The following NFIB variants were observed in gnomAD, a reference collection of about 807,000 sequenced individuals.
The protein encoded by NFIB is nuclear factor 1 B-type.
A neutral mutation model predicts 61.5 loss-of-function variants in NFIB; 11 were observed. That is an observed-to-expected ratio of 0.18 (90% confidence interval 0.11 to 0.30). NFIB has a LOEUF of 0.30. NFIB is among the 10% of genes least tolerant of loss of function. The pLI is 1.00. For synonymous variants in NFIB, 260 were observed against 216.5 expected (o/e 1.20, Z -1.76); for missense variants, 471 against 608.9 (o/e 0.77, Z 2.38).
the NFIB span, among the ~76,000 whole-genome samples, chr9:14,440,363 T>A: frequency 6.6e-6 from 1 of 152,360 alleles, no homozygotes; most frequent in South Asian, 2.1e-4. Context: ...AAGGAGCTGA[T>A]ACCAATCGAA....
chr9:14,369,374 T>C (rs1310174299), intron 1 of NFIB, among the ~76,000 whole-genome samples: 1 of 152,216 alleles, frequency 6.6e-6, no homozygotes, highest in Non-Finnish European at 1.5e-5. Flanking sequence ...TCAGGATAAT[T>C]AGTTTCCATC....
At position 14,084,185 on chromosome 9, in the gene NFIB, C is replaced by G. The variant is rs1240997123; in HGVS notation, c.*4124G>C. 5.0e-6 allele frequency: 1 copy of G among 200,812 alleles called. No homozygotes were observed. Among genetic ancestry groups the G allele is most frequent in the Non-Finnish European group, 1.0e-5 (1 of 97,340 alleles). 12.4% of individuals were successfully genotyped at this position (200,812 alleles called of 1,614,324 possible). ...CTTAAGAGACTGGAGAGTTTTAACTCAAGTCCAGTCTCTAAACAAGGAATA... is the reference window on the plus strand; with the variant it reads ...CTTAAGAGACTGGAGAGTTTTAACTGAAGTCCAGTCTCTAAACAAGGAATA... On this transcript the variant is annotated 3_prime_UTR_variant, in exon 11 of 11. Coordinates refer to ENST00000380953, the MANE Select transcript of NFIB (RefSeq NM_001190737.2).
the NFIB span, among the ~76,000 whole-genome samples, chr9:14,480,960 C>T: frequency 2.0e-5 from 3 of 151,630 alleles, no homozygotes; most frequent in East Asian, 5.9e-4. Flanking sequence ...AAAATAAAAA[C>T]AGTAGCAGAC....
the NFIB span, among the ~76,000 whole-genome samples, chr9:14,427,964 TG>T: frequency 7.2e-6 from 1 of 139,554 alleles, no homozygotes; most frequent in Non-Finnish European, 1.5e-5. Context: ...TTTTTTTTTT[TG>T]GCAGGATCTC....
intron 2 of NFIB, among the ~76,000 whole-genome samples, chr9:14,202,115 A>G (rs2049102132): frequency 7.0e-6 from 1 of 141,930 alleles, no homozygotes; most frequent in African/African-American, 2.6e-5. Context: ...TTTGAAGATA[A>G]AATTGATACT....
chr9:14,129,615 C>T (rs989908533), intron 6 of NFIB, among the ~76,000 whole-genome samples: 1 of 151,962 alleles, frequency 6.6e-6, no homozygotes, highest in Non-Finnish European at 1.5e-5. Flanking sequence ...GTGTAATGTG[C>T]TCATATGCTA....
chr9:14,240,301 T>C (rs1231185217), intron 2 of NFIB, among the ~76,000 whole-genome samples: 1 of 152,084 alleles, frequency 6.6e-6, no homozygotes, highest in Non-Finnish European at 1.5e-5. Context: ...AATATTACCC[T>C]ACTATATATC....
intron 3 of NFIB, among the ~76,000 whole-genome samples, chr9:14,165,136 G>C (rs534688102): frequency 6.6e-6 from 1 of 152,276 alleles, no homozygotes; most frequent in East Asian, 1.9e-4. Context: ...AACCACCTTT[G>C]AAAACAGCAC....
upstream of NFIB, among the ~76,000 whole-genome samples, chr9:14,315,256 G>A (rs2060487471): frequency 6.6e-6 from 1 of 151,498 alleles, no homozygotes; most frequent in African/African-American, 2.4e-5. Flanking sequence ...GCCCGCACCC[G>A]AGGCAGTCGC....
At chr9:14,449,785 T>A in the NFIB span, among the ~76,000 whole-genome samples, 2 of 151,292 alleles carry the variant, frequency 1.3e-5, no homozygotes, top group Non-Finnish European at 2.9e-5. Flanking sequence ...CAAAAAAAAA[T>A]TAGCCAGACA....
chr9:14,429,882 C>A, the NFIB span, among the ~76,000 whole-genome samples: 16 of 152,212 alleles, frequency 1.1e-4, no homozygotes, highest in South Asian at 6.2e-4. Flanking sequence ...TGGAAAAAAA[C>A]CACTTATTCT....
intron 2 of NFIB, among the ~76,000 whole-genome samples, chr9:14,222,932 C>T (rs2051876295): frequency 6.6e-6 from 1 of 152,066 alleles, no homozygotes; most frequent in African/African-American, 2.4e-5. Flanking sequence ...CAAGACATTA[C>T]CTGGAATTCT....
At chr9:14,275,558 T>C (rs145246422) in intron 2 of NFIB, among the ~76,000 whole-genome samples, 1 of 152,128 alleles carries the variant, frequency 6.6e-6, no homozygotes, top group African/African-American at 2.4e-5. Context: ...CCTTGAAGAA[T>C]GATATCTGTG....
At chr9:14,463,659 CTTTTT>C in the NFIB span, among the ~76,000 whole-genome samples, 7 of 65,812 alleles carry the variant, frequency 1.1e-4, no homozygotes, top group African/African-American at 3.6e-4. Flanking sequence ...ATTTGATTTT[CTTTTT>C]TTTTTTTTTT....
the NFIB span, among the ~76,000 whole-genome samples, chr9:14,441,926 T>C: frequency 6.6e-6 from 1 of 152,258 alleles, no homozygotes; most frequent in Admixed American, 6.5e-5. Context: ...TGCTCCCTTG[T>C]AATTTCCCAT....
At chr9:14,192,073 C>G (rs779787609) in intron 2 of NFIB, among the ~76,000 whole-genome samples, 6 of 152,174 alleles carry the variant, frequency 3.9e-5, no homozygotes, top group Non-Finnish European at 5.9e-5. Flanking sequence ...GAGGGATCAT[C>G]CAATTCTTTG....
intron 2 of NFIB, among the ~76,000 whole-genome samples, chr9:14,249,078 G>C (rs1373954908): frequency 6.6e-6 from 1 of 152,112 alleles, no homozygotes; most frequent in Non-Finnish European, 1.5e-5. Flanking sequence ...AAACCAAATA[G>C]CAGCAAGAAT....
chr9:14,134,248 C>T (rs1269546328), intron 6 of NFIB, among the ~76,000 whole-genome samples: 3 of 152,120 alleles, frequency 2.0e-5, no homozygotes, highest in Admixed American at 6.5e-5. Flanking sequence ...AGGCACTGCT[C>T]TAGGGAATGT....
At chr9:14,161,019 C>T (rs955648738) in intron 3 of NFIB, among the ~76,000 whole-genome samples, 1 of 152,050 alleles carries the variant, frequency 6.6e-6, no homozygotes, top group Non-Finnish European at 1.5e-5. Flanking sequence ...CAATTGTTCA[C>T]TTTCTTCAAC....
Sources: gnomAD v4.1 joint callset for allele counts (sites outside exome capture counted in the v4.1 genomes callset) on GRCh38, gnomAD v4.1.1 for gene constraint, MANE v1.5 for transcripts, NCBI Gene and HGNC (gene_info 2026-07-23, HGNC 2026-07-21) for gene names.